ZNF618: variants seen among roughly 807,000 people sequenced by gnomAD.
ZNF618 encodes the protein neural precursor cell expressed, developmentally down-regulated 10.
A neutral mutation model predicts 103.0 loss-of-function variants in ZNF618; 34 were observed. The observed-to-expected ratio is 0.33, with a 90% CI of 0.25 to 0.44. The LOEUF is 0.44. Among genes scored for constraint, ZNF618 ranks in the 20% least tolerant of loss-of-function variants. ZNF618 has a pLI of 1.00. For synonymous variants in ZNF618, 551 were observed against 542.2 expected (o/e 1.02, Z -0.23); for missense variants, 1,059 against 1,295.4 (o/e 0.82, Z 2.80).
At chr9:113,879,057 T>C (rs1828239738) in intron 1 of ZNF618, among the ~76,000 whole-genome samples, 1 of 151,920 alleles carries the variant, frequency 6.6e-6, no homozygotes, top group African/African-American at 2.4e-5. Context: ...GTTGAATTAT[T>C]TAGGCCGATG....
At chr9:113,918,555 C>T (rs1832338892) in intron 1 of ZNF618, among the ~76,000 whole-genome samples, 1 of 152,046 alleles carries the variant, frequency 6.6e-6, no homozygotes, top group African/African-American at 2.4e-5. Flanking sequence ...AAAGATCTCT[C>T]CTTTCTCCTC....
At chr9:114,011,930 A>C (rs1241946642) in intron 9 of ZNF618, among the ~76,000 whole-genome samples, 1 of 152,058 alleles carries the variant, frequency 6.6e-6, no homozygotes, top group East Asian at 1.9e-4. Flanking sequence ...AGGAAAACTC[A>C]TTTGTGTGGT....
At chr9:113,909,640 C>T (rs1831322752) in intron 1 of ZNF618, among the ~76,000 whole-genome samples, 2 of 152,134 alleles carry the variant, frequency 1.3e-5, no homozygotes. Context: ...AGGGCCTGGG[C>T]TTGCTTGGGG....
intron 1 of ZNF618, among the ~76,000 whole-genome samples, chr9:113,896,932 T>G (rs1830083368): frequency 6.6e-6 from 1 of 152,154 alleles, no homozygotes; most frequent in Non-Finnish European, 1.5e-5. Flanking sequence ...CATTTCCTGC[T>G]TTTACCTTTA....
intron 2 of ZNF618, among the ~76,000 whole-genome samples, chr9:113,986,910 C>A (rs1839540746): frequency 6.6e-6 from 1 of 152,146 alleles, no homozygotes. Flanking sequence ...TGTTGAAACC[C>A]AAAGAAGAGA....
intron 1 of ZNF618, among the ~76,000 whole-genome samples, chr9:113,895,813 A>T (rs1292802235): frequency 6.6e-6 from 1 of 152,128 alleles, no homozygotes; most frequent in Non-Finnish European, 1.5e-5. Flanking sequence ...GTTTAAAATA[A>T]CTTGCCATTA....
intron 5 of ZNF618, 111 bp from the exon 6 acceptor site, chr9:114,002,513 C>T (rs1029924579): frequency 3.3e-5 from 41 of 1,234,190 alleles, no homozygotes; most frequent in East Asian, 4.7e-5. Flanking sequence ...GGGCCCGGTG[C>T]GGGACTGTGA....
At chr9:114,026,891 AG>A (rs1843546147) in intron 10 of ZNF618, among the ~76,000 whole-genome samples, 2 of 152,170 alleles carry the variant, frequency 1.3e-5, no homozygotes, top group Admixed American at 6.5e-5. Context: ...AGGCCGAGAG[AG>A]GGGAGGTATA....
At chr9:114,027,118 A>C (rs890951771) in intron 10 of ZNF618, among the ~76,000 whole-genome samples, 45 of 152,158 alleles carry the variant, frequency 3.0e-4, no homozygotes, top group African/African-American at 1.0e-3. Context: ...TAAAAAAAAA[A>C]ATTGGAAATT....
chr9:113,886,896 A>G (rs555141437), intron 1 of ZNF618, among the ~76,000 whole-genome samples: 37 of 151,946 alleles, frequency 2.4e-4, no homozygotes, highest in African/African-American at 8.4e-4. Flanking sequence ...CTACAGGTTG[A>G]AATGATATTT....
At chr9:113,964,213 C>T (rs1043324880) in intron 1 of ZNF618, among the ~76,000 whole-genome samples, 2 of 152,176 alleles carry the variant, frequency 1.3e-5, no homozygotes, top group African/African-American at 4.8e-5. Context: ...TGTGGCAGCA[C>T]CTCAGCCTCC....
At chr9:114,008,652 C>A in intron 9 of ZNF618, 98 bp downstream of exon 9, 4 of 1,383,544 alleles carry the variant, frequency 2.9e-6, no homozygotes, top group Non-Finnish European at 4.0e-6. Flanking sequence ...CAGTGGGTGG[C>A]ATCACTTAAC....
At chr9:114,048,061 C>A in intron 14 of ZNF618, 67 bp downstream of exon 14, 1 of 1,312,608 alleles carries the variant, frequency 7.6e-7, no homozygotes, top group South Asian at 1.3e-5. Flanking sequence ...TCTCTGCCCC[C>A]CATTCCCACC....
At position 114,049,277 on chromosome 9, in the gene ZNF618, C is replaced by T. The variant is rs1443626600; in HGVS notation, c.1975C>T (p.His659Tyr). 1 of 1,612,400 alleles carries T rather than the reference C, an allele frequency of 6.2e-7. No homozygotes were observed. The highest frequency in any genetic ancestry group is 1.3e-5 in the African/African-American group (1 of 74,928). ...GCGGACACTGCAGGCCCGCAGCATG[C>T]ACGAGGTCATCGAGCTGCTCAACGT... is the stretch of plus-strand genomic sequence containing the variant. ...SKRTLQARSM[H>Y]EVIELLNVCE... Residue 659 changes from histidine (H) to tyrosine (Y), a missense_variant, in exon 15 of 15, where the codon CAC becomes TAC. Physicochemically the swap from His to Tyr is moderately conservative, Grantham distance 83. Around this residue, in one of 6 missense-constraint regions of ZNF618, gnomAD observed 272 missense variants for 380.1 expected, o/e 0.72. Transcript: ENST00000374126.
chr9:113,977,216 G>T (rs1471706295), intron 2 of ZNF618, among the ~76,000 whole-genome samples: 2 of 152,188 alleles, frequency 1.3e-5, no homozygotes, highest in Non-Finnish European at 2.9e-5. Flanking sequence ...CAGCTGGGCA[G>T]CACTGGGCAT....
At chr9:114,030,457 T>C (rs1426196671) in intron 11 of ZNF618, among the ~76,000 whole-genome samples, 1 of 152,196 alleles carries the variant, frequency 6.6e-6, no homozygotes, top group Non-Finnish European at 1.5e-5. Flanking sequence ...GGCTGGGAGT[T>C]TTTATGCCTG....
rs370092722 is a variant in ZNF618, at chr9:114,000,288, G to A, written c.434-1708G>A. Among the ~76,000 whole-genome samples the A allele has an allele frequency of 5.9e-5, 9 of 152,058 alleles. 1 individual carries two copies. The East Asian group carries it at 7.7e-4, about 13-fold the overall frequency. The stretch of plus-strand genomic sequence containing the variant: ...TCATGAATTGTAGGAATCAGAGTCC[G>A]GTTTTGCAGGTGGGGAAACAGAGGC... On this transcript the variant is annotated intron_variant, in intron 4 of 14. Coordinates refer to ENST00000374126, the MANE Select transcript of ZNF618 (RefSeq NM_001318042.2).
intron 9 of ZNF618, 92 bp from the exon 10 acceptor site, chr9:114,016,603 G>A (rs1197559888): frequency 3.4e-6 from 3 of 885,340 alleles, no homozygotes; most frequent in African/African-American, 1.7e-5. Context: ...GTCCCAGAAT[G>A]GGGAGGAGTT....
Position 114,028,873 on chromosome 9 carries a change from G to C in ZNF618, c.985G>C (p.Val329Leu). The change falls in exon 11 of 15, where the codon GTC (valine) becomes CTC (leucine). Residue 329 changes from valine (V) to leucine (L), a missense_variant. Coordinates refer to ENST00000374126, the MANE Select transcript of ZNF618 (RefSeq NM_001318042.2). Reference sequence around the variant, plus strand: ...GGGGAAAAAAGCTCCGGCCTCCGTGGTCCGATGTGCCACCCTCTTACACCG... The same window carrying C: ...GGGGAAAAAAGCTCCGGCCTCCGTGCTCCGATGTGCCACCCTCTTACACCG... ...QSGKKAPASV[V>L]RCATLLHRTP... 6.4e-7 allele frequency: 1 copy of C among 1,550,640 alleles called. No individual in the cohort carries two copies. Among genetic ancestry groups the C allele is most frequent in the Non-Finnish European group, 8.7e-7 (1 of 1,146,928 alleles).
Sources: allele counts gnomAD v4.1 joint callset (sites outside exome capture counted in the v4.1 genomes callset), GRCh38; gene constraint gnomAD v4.1.1; regional missense constraint gnomAD v4.1.1; transcripts MANE v1.5; gene names NCBI Gene and HGNC (gene_info 2026-07-23, HGNC 2026-07-21).